Variants in NPR1 observed in about 807,000 individuals in gnomAD.
NPR1 encodes natriuretic peptide receptor 1, also known as atrial natriuretic peptide receptor 1.
NPR1 carries 57 observed loss-of-function variants against 116.9 expected under a neutral mutation model. The observed-to-expected ratio is 0.49, with a 90% CI of 0.39 to 0.61. The LOEUF (loss-of-function observed/expected upper bound fraction) is 0.61. NPR1 is among the 20% of genes least tolerant of loss of function. The pLI is 0.00. For missense variants in NPR1, 1,096 were observed against 1,409.8 expected, an observed-to-expected ratio of 0.78 and a Z score of 3.56; for synonymous variants, 555 against 601.6, an observed-to-expected ratio of 0.92 and a Z score of 1.13.
Position 153,683,506 on chromosome 1 carries a change from A to G in NPR1, c.1394A>G (p.Asn465Ser). 6.2e-7 allele frequency: 1 copy of G among 1,614,140 alleles called. No homozygotes were observed. Among genetic ancestry groups the G allele is most frequent in the Non-Finnish European group, 8.5e-7 (1 of 1,179,992 alleles). ...TTTGACAACGAAGACCCAGCATGCA[A>G]CCAAGGTGACTGCCCCTTGCCTTCC... is the stretch of plus-strand genomic sequence containing the variant. ...CGFDNEDPAC[N>S]QDHLSTLEVL... Residue 465 changes from asparagine (N) to serine (S), a missense_variant, in exon 6 of 22, where the codon AAC (asparagine) becomes AGC (serine). Physicochemically the swap from Asn to Ser is conservative, Grantham distance 46. Coordinates refer to ENST00000368680, the MANE Select transcript of NPR1 (RefSeq NM_000906.4).
chr1:153,690,778 C>T (rs1265232689), intron 20 of NPR1, among the ~76,000 whole-genome samples: 1 of 151,704 alleles, frequency 6.6e-6, no homozygotes, highest in African/African-American at 2.4e-5. Context: ...CCCGTCTCTA[C>T]TAAAAATACA....
At chr1:153,680,405 A>G (rs1669735078) in intron 1 of NPR1, 96 bp from the exon 2 acceptor site, 2 of 1,105,938 alleles carry the variant, frequency 1.8e-6, no homozygotes, top group African/African-American at 1.6e-5. Flanking sequence ...CCTGCACCCT[A>G]TCTCTAAACT....
chr1:153,686,339 C>A, intron 10 of NPR1, 139 bp downstream of exon 10: 2 of 824,308 alleles, frequency 2.4e-6, no homozygotes, highest in Non-Finnish European at 4.1e-6. Flanking sequence ...GATGGACCTT[C>A]ATCTTGTGGG....
intron 11 of NPR1, 37 bp from the exon 12 acceptor site, chr1:153,686,979 C>T (rs1669949629): frequency 1.2e-6 from 2 of 1,603,738 alleles, no homozygotes; most frequent in African/African-American, 2.7e-5. Flanking sequence ...CCAGGGGGAT[C>T]TGCAGGGGAT....
chr1:153,690,096 CTCTCT>C (rs1670057325), intron 19 of NPR1, 116 bp downstream of exon 19: 2 of 675,244 alleles, frequency 3.0e-6, no homozygotes, highest in African/African-American at 6.1e-5. Context: ...CTCTCTCTCT[CTCTCT>C]CTCTCTGTCT....
intron 10 of NPR1, 152 bp downstream of exon 10, chr1:153,686,352 G>A: frequency 2.6e-6 from 2 of 764,746 alleles, no homozygotes; most frequent in Admixed American, 2.1e-5. Context: ...CTTGTGGGTG[G>A]GAGTGGGGGT....
intron 15 of NPR1, chr1:153,688,732 C>T (rs1175483868): frequency 1.4e-5 from 8 of 588,788 alleles, no homozygotes; most frequent in African/African-American, 1.9e-5. Flanking sequence ...ACAAAATGTC[C>T]ATATGTCTGA....
Position 153,681,793 on chromosome 1 carries a change from T to C in NPR1, c.1125T>C (p.Thr375=). ...TETLAHGGTV[T]DGENITQRMW... ...CTCTGGCACATGGGGGAACTGTTAC[T>C]GATGGGGAGAACATCACTCAGCGGA... is the stretch of plus-strand genomic sequence containing the variant. The change falls in exon 4 of 22, where the codon ACT becomes ACC. Residue 375 remains threonine (T), a synonymous_variant. Transcript: ENST00000368680. The C allele has an allele frequency of 4.3e-6, 7 of 1,614,042 alleles. No homozygotes were observed. Among genetic ancestry groups the C allele is most frequent in the Non-Finnish European group, 5.9e-6 (7 of 1,180,010 alleles).
Position 153,689,931 on chromosome 1 carries a change from C to T in NPR1, c.2883C>T (p.Ile961=), listed in dbSNP as rs1398138527. 3 of 1,551,258 alleles carry T rather than the reference C, an allele frequency of 1.9e-6. No homozygotes were observed. The highest frequency in any genetic ancestry group is 2.6e-6 in the Non-Finnish European group (3 of 1,145,784). Residue 961 remains isoleucine (I), a synonymous_variant, in exon 19 of 22, where the codon ATC becomes ATT. Transcript: ENST00000368680. The surrounding 1 kb of genome is among the most constrained non-coding windows in gnomAD (Gnocchi z 5.1). Reference sequence around the variant, plus strand: ...TGGATGCTGTGCGCTCCTTCCGAATCCGCCACCGGCCCCAGGAGCAGCTGC... The same window carrying T: ...TGGATGCTGTGCGCTCCTTCCGAATTCGCCACCGGCCCCAGGAGCAGCTGC... ...ALLDAVRSFR[I]RHRPQEQLRL... is the part of the protein sequence containing the mutation.
chr1:153,693,399 T>C lies in NPR1; in HGVS notation c.3171T>C (p.Ser1057=). 6.2e-7 allele frequency: 1 copy of C among 1,609,752 alleles called. No individual in the cohort carries two copies. The highest frequency in any genetic ancestry group is 2.2e-5 in the East Asian group (1 of 44,698). ...ACTGGCTCCTTGGGGAGAGGGGGAG[T>C]AGCACCCGAGGCTGACCTGCCTCCT... ...RTYWLLGERG[S]STRG is the part of the protein sequence containing the mutation. The change falls in exon 22 of 22, where the codon AGT becomes AGC. Residue 1057 remains serine, a synonymous_variant. Transcript: ENST00000368680.
chr1:153,682,422 G>A, intron 4 of NPR1, 76 bp from the exon 5 acceptor site: 1 of 1,047,470 alleles, frequency 9.5e-7, no homozygotes, highest in Admixed American at 1.8e-5. Context: ...AAAAAGATTA[G>A]AGGATGAAGA....
chr1:153,680,849 A>C, intron 2 of NPR1, 149 bp downstream of exon 2: 1 of 709,888 alleles, frequency 1.4e-6, no homozygotes, highest in East Asian at 2.7e-5. Context: ...CAGAACAGAA[A>C]AGAGGTTGGT....
chr1:153,683,884 G>A, intron 7 of NPR1, 60 bp downstream of exon 7: 2 of 1,463,716 alleles, frequency 1.4e-6, no homozygotes, highest in Admixed American at 1.7e-5. Flanking sequence ...AATAGCAGAG[G>A]AGGCGGTGGG....
At chr1:153,688,469 C>T (rs890053391) in intron 15 of NPR1, among the ~76,000 whole-genome samples, 2 of 152,168 alleles carry the variant, frequency 1.3e-5, no homozygotes, top group East Asian at 1.9e-4. Context: ...ACCCTTCCTG[C>T]CCACTCGCCT....
At chr1:153,683,297 G>T in intron 5 of NPR1, 79 bp from the exon 6 acceptor site, 1 of 1,503,466 alleles carries the variant, frequency 6.7e-7, no homozygotes, top group East Asian at 2.4e-5. Flanking sequence ...GCTGGGGTAG[G>T]TGGGAGGTGA....
At chr1:153,683,865 C>T (rs763304678) in intron 7 of NPR1, 41 bp downstream of exon 7, 12 of 1,581,900 alleles carry the variant, frequency 7.6e-6, no homozygotes, top group Admixed American at 1.7e-5. Context: ...CTGGGGGACC[C>T]GGAGAACCAA....
rs747704124 is a variant in NPR1, at chr1:153,689,321, G to C, written c.2688+10G>C. The C allele has an allele frequency of 1.2e-6, 2 of 1,614,178 alleles. No individual in the cohort carries two copies. The highest frequency in any genetic ancestry group is 2.2e-5 in the East Asian group (1 of 44,878). On this transcript the variant is annotated intron_variant, in intron 17 of 21. Transcript: ENST00000368680. The surrounding 1 kb of genome is among the most constrained non-coding windows in gnomAD (Gnocchi z 5.1). ...GAGCACACCCATGCAGGTAGGCCAG[G>C]GTTCAGCCACAGGTGCCAGGCAAGC...
At position 153,688,330 on chromosome 1, in the gene NPR1, C is replaced by T. The variant is rs895168689; in HGVS notation, c.2417+109C>T. ...GCAGTGGCAGAGGGAGACCACTCACCTCCTCCCTGTACATAGTCAGCTCCA... is the reference window on the plus strand; with the variant it reads ...GCAGTGGCAGAGGGAGACCACTCACTTCCTCCCTGTACATAGTCAGCTCCA... On this transcript the variant is annotated intron_variant, in intron 15 of 21. Transcript: ENST00000368680. 42 of 1,137,794 alleles carry T rather than the reference C, an allele frequency of 3.7e-5. No homozygotes were observed. The Admixed American group carries it at 9.2e-4, about 25-fold the overall frequency. 70.5% of individuals were successfully genotyped at this position (1,137,794 alleles called of 1,614,324 possible). A position where few individuals can be genotyped will look rare whatever the true frequency, so the allele number is the denominator to read the frequency against.
chr1:153,689,104 G>A lies in NPR1; in HGVS notation c.2564+5G>A, dbSNP rs948174751. 2 of 1,614,048 alleles carry A rather than the reference G, an allele frequency of 1.2e-6. No homozygotes were observed. The highest frequency in any genetic ancestry group is 2.7e-5 in the African/African-American group (2 of 74,936). On this transcript the variant is annotated splice_donor_5th_base_variant and intron_variant, in intron 16 of 21. Transcript: ENST00000368680. This position sits in a 1 kb window ranked among gnomAD's most constrained non-coding sequence, Gnocchi z 5.1. Reference sequence around the variant, plus strand: ...GCTCTACCAGATCCTGCCTCAGTGAGTGCCTGAGTCTGGGGACCCCCCCCA... The same window carrying A: ...GCTCTACCAGATCCTGCCTCAGTGAATGCCTGAGTCTGGGGACCCCCCCCA...
Sources: allele counts gnomAD v4.1 joint callset (sites outside exome capture counted in the v4.1 genomes callset), GRCh38; gene constraint gnomAD v4.1.1; non-coding constraint Gnocchi (gnomAD v3.1); transcripts MANE v1.5; gene names NCBI Gene and HGNC (gene_info 2026-07-23, HGNC 2026-07-21).